POLK: variants seen among roughly 807,000 people sequenced by gnomAD.
POLK encodes the protein DNA polymerase kappa.
A neutral mutation model predicts 94.0 loss-of-function variants in POLK; 76 were observed. The observed-to-expected ratio is 0.81, with a 90% confidence interval of 0.67 to 0.98. The LOEUF (loss-of-function observed/expected upper bound fraction) is 0.98. Among genes scored for constraint, POLK ranks in the 50% least tolerant of loss-of-function variants. The pLI is 0.00. For missense variants in POLK, 954 were observed against 1,010.1 expected (o/e 0.94, Z 0.75); for synonymous variants, 349 against 325.4 (o/e 1.07, Z -0.78).
intron 11 of POLK, among the ~76,000 whole-genome samples, chr5:75,590,680 T>A (rs1458388772): frequency 6.6e-6 from 1 of 152,166 alleles, no homozygotes; most frequent in Non-Finnish European, 1.5e-5. Flanking sequence ...TCAGTATAAT[T>A]CAGAGGACTT....
chr5:75,573,778 C>T, exon 5 of POLK: 1 of 1,612,648 alleles, frequency 6.2e-7, no homozygotes. Context: ...GGTGTTCGTG[C>T]AGCCATGCCA....
At chr5:75,531,414 A>G (rs940701921) in intron 1 of POLK, among the ~76,000 whole-genome samples, 1 of 151,988 alleles carries the variant, frequency 6.6e-6, no homozygotes, top group Non-Finnish European at 1.5e-5. Flanking sequence ...TATATAATAT[A>G]TAGCTATTTA....
In POLK at chr5:75,582,905, C is replaced by T. The variant is rs192614464; in HGVS notation, c.935-388C>T. The T allele has an allele frequency of 4.1e-3, 651 of 158,258 alleles. 4 individuals are homozygous for T. The highest frequency in any genetic ancestry group is 4.9e-3 in the Non-Finnish European group (365 of 74,278). The allele number at this position is 158,258 out of a possible 1,614,324, so 9.8% of individuals were successfully genotyped here. A position where few individuals can be genotyped will look rare whatever the true frequency, so the allele number is the denominator to read the frequency against. Reference sequence around the variant, plus strand: ...CGGAGGTTGCAGTGAGCCAAGATCACGCCATTGCACTCCAGCCTGGGCGAC... The same window carrying T: ...CGGAGGTTGCAGTGAGCCAAGATCATGCCATTGCACTCCAGCCTGGGCGAC... On this transcript the variant is annotated intron_variant, in intron 7 of 14. Coordinates refer to ENST00000241436, the Ensembl canonical transcript of POLK.
At chr5:75,596,755 G>A in exon 13 of POLK, 1 of 1,612,568 alleles carries the variant, frequency 6.2e-7, no homozygotes, top group Non-Finnish European at 8.5e-7. Context: ...AGATTATGAA[G>A]CCCATCCAAA....
intron 3 of POLK, among the ~76,000 whole-genome samples, chr5:75,559,550 T>TTA (rs1581018538): frequency 1.5e-5 from 2 of 129,708 alleles, no homozygotes; most frequent in African/African-American, 6.6e-5. Context: ...TTTTTTTTTT[T>TTA]AGAGACAGGG....
At chr5:75,591,781 C>T (rs1399941467) in intron 11 of POLK, among the ~76,000 whole-genome samples, 3 of 152,144 alleles carry the variant, frequency 2.0e-5, no homozygotes, top group Non-Finnish European at 4.4e-5. Context: ...TGCAGAATGT[C>T]GCCCAATTTG....
the POLK span, chr5:75,609,285 A>T: frequency 2.6e-5 from 4 of 151,464 alleles, no homozygotes; most frequent in Non-Finnish European, 5.9e-5. Context: ...TTTTTTTGAG[A>T]TAGGGTCTGG....
intron 3 of POLK, among the ~76,000 whole-genome samples, chr5:75,561,192 TAA>T (rs1770954103): frequency 6.6e-6 from 1 of 152,246 alleles, no homozygotes; most frequent in Non-Finnish European, 1.5e-5. Flanking sequence ...CCTGACTTTT[TAA>T]TGATTGCCAT....
intron 9 of POLK, among the ~76,000 whole-genome samples, chr5:75,586,342 A>G (rs1171662110): frequency 6.6e-6 from 1 of 152,142 alleles, no homozygotes; most frequent in Non-Finnish European, 1.5e-5. Flanking sequence ...TCCAATATAT[A>G]AGTTTTCTGA....
At chr5:75,582,948 G>GAAAA (rs34457772) in intron 7 of POLK, 2 of 127,014 alleles carry the variant, frequency 1.6e-5, no homozygotes, top group East Asian at 2.2e-4. Context: ...GACTCCATCT[G>GAAAA]AAAAAAAAAA....
the POLK span, chr5:75,609,299 T>C: frequency 6.6e-6 from 1 of 152,116 alleles, no homozygotes; most frequent in Non-Finnish European, 1.5e-5. Flanking sequence ...GGTCTGGCTC[T>C]ATCACGCAGA....
At chr5:75,573,986 G>A (rs532381308) in intron 5 of POLK, 117 bp downstream of exon 5, 18 of 884,948 alleles carry the variant, frequency 2.0e-5, no homozygotes, top group Non-Finnish European at 2.9e-5. Flanking sequence ...TTTCAGTTGA[G>A]CCTCCTATCA....
chr5:75,581,376 A>G (rs1772185107), exon 7 of POLK: 2 of 1,613,360 alleles, frequency 1.2e-6, no homozygotes, highest in Admixed American at 1.7e-5. Context: ...TGTTTTTGGA[A>G]CATCAGCCCA....
At chr5:75,588,494 A>G (rs901010775) in intron 10 of POLK, among the ~76,000 whole-genome samples, 3 of 152,340 alleles carry the variant, frequency 2.0e-5, no homozygotes, top group Admixed American at 1.3e-4. Flanking sequence ...GTTCTCTCAG[A>G]TACCTTTCTT....
intron 6 of POLK, among the ~76,000 whole-genome samples, chr5:75,579,665 C>T (rs754726226): frequency 3.9e-4 from 59 of 151,778 alleles, no homozygotes; most frequent in Non-Finnish European, 7.5e-4. Context: ...GCCTGTTTCC[C>T]CTCTGAATTG....
chr5:75,530,935 A>C (rs2112571062), intron 1 of POLK, among the ~76,000 whole-genome samples: 1 of 150,840 alleles, frequency 6.6e-6, no homozygotes, highest in South Asian at 2.1e-4. Context: ...CCTTGCGAGT[A>C]GCTGGGACTA....
chr5:75,558,988 G>A (rs1160850904), intron 3 of POLK, among the ~76,000 whole-genome samples: 1 of 152,094 alleles, frequency 6.6e-6, no homozygotes, highest in East Asian at 1.9e-4. Context: ...TCCAGTTTTG[G>A]TTGACTATTT....
intron 1 of POLK, among the ~76,000 whole-genome samples, chr5:75,517,076 G>C (rs1768359122): frequency 6.6e-6 from 1 of 152,184 alleles, no homozygotes; most frequent in Non-Finnish European, 1.5e-5. Flanking sequence ...GTCAGATAGT[G>C]TGATGCCCCA....
chr5:75,558,783 G>A lies in POLK; in HGVS notation c.255+6192G>A, dbSNP rs182077941. ...AAATTGATATTAATCCTTAAGCAAC[G>A]TACTTTCTGGACATTTTCATTTTAT... On this transcript the variant is annotated intron_variant, in intron 3 of 14. Coordinates refer to ENST00000241436, the Ensembl canonical transcript of POLK. 1.6e-3 allele frequency among the ~76,000 whole-genome samples: 245 copies of A among 152,058 alleles called. 2 individuals carry two copies. Among genetic ancestry groups the A allele is most frequent in the African/African-American group, 5.2e-3 (217 of 41,472 alleles).
Sources: allele counts gnomAD v4.1 joint callset (sites outside exome capture counted in the v4.1 genomes callset), GRCh38; gene constraint gnomAD v4.1.1; transcripts MANE v1.5; gene names NCBI Gene and HGNC (gene_info 2026-07-23, HGNC 2026-07-21).